Variants in TAFA1 observed in about 807,000 individuals in gnomAD.
TAFA1 encodes the protein TAFA chemokine like family member 1.
Under a neutral mutation model 18.5 loss-of-function variants are expected in TAFA1, and 4 were observed. The observed-to-expected ratio is 0.22, with a 90% CI of 0.11 to 0.49. The LOEUF is 0.49. TAFA1 is among the 20% of genes least tolerant of loss of function. The probability of loss-of-function intolerance (pLI) is 0.98; values close to 1 mark genes in which losing one functional copy is unlikely to be tolerated. For missense variants in TAFA1, 147 were observed against 169.0 expected (o/e 0.87, Z 0.72); for synonymous variants, 56 against 55.2 (o/e 1.01, Z -0.06).
chr3:68,431,550 A>T (rs773210506), intron 3 of TAFA1, among the ~76,000 whole-genome samples: 2 of 152,040 alleles, frequency 1.3e-5, no homozygotes, highest in Non-Finnish European at 2.9e-5. Flanking sequence ...GCCCAGGGTC[A>T]CATAGCTACC....
At chr3:68,083,252 C>A (rs1389526672) in intron 2 of TAFA1, among the ~76,000 whole-genome samples, 1 of 152,194 alleles carries the variant, frequency 6.6e-6, no homozygotes, top group African/African-American at 2.4e-5. Flanking sequence ...AGGCTATCAT[C>A]TGCACCAAAC....
intron 3 of TAFA1, among the ~76,000 whole-genome samples, chr3:68,459,770 A>T (rs1419810961): frequency 1.3e-5 from 2 of 152,196 alleles, no homozygotes; most frequent in Non-Finnish European, 2.9e-5. Context: ...CCAGTCAAAT[A>T]CTCATGAATA....
At chr3:68,491,147 A>G (rs1187249425) in intron 3 of TAFA1, among the ~76,000 whole-genome samples, 1 of 152,160 alleles carries the variant, frequency 6.6e-6, no homozygotes. Context: ...CCTCCTCCAC[A>G]ATTTTTAAGA....
intron 2 of TAFA1, among the ~76,000 whole-genome samples, chr3:68,246,109 C>T (rs972620104): frequency 3.3e-5 from 5 of 152,112 alleles, no homozygotes; most frequent in African/African-American, 9.7e-5. Context: ...TCCACATCTC[C>T]ATGTGGAGCT....
In TAFA1 at chr3:68,498,721, GCT is replaced by G. The variant is rs1491413557; in HGVS notation, c.260-40034_260-40033del. Among the ~76,000 whole-genome samples, 135 of 101,642 alleles carry G rather than the reference GCT, an allele frequency of 1.3e-3. 1 individual carries two copies. The highest frequency in any genetic ancestry group is 1.8e-3 in the Non-Finnish European group (99 of 55,902). The allele number at this position is 101,642 out of a possible 152,430, so 66.7% of individuals were successfully genotyped here. On this transcript the variant is annotated intron_variant, in intron 3 of 4. Coordinates refer to ENST00000478136, the MANE Select transcript of TAFA1 (RefSeq NM_213609.4). The stretch of plus-strand genomic sequence containing the variant: ...AAATTCCTCCCAAAGCCGTTTGGTG[GCT>G]TTTTTTTTTTTTTTTTTTTTTTTTT...
At chr3:68,463,019 C>A (rs567036911) in intron 3 of TAFA1, among the ~76,000 whole-genome samples, 7 of 152,290 alleles carry the variant, frequency 4.6e-5, no homozygotes, top group African/African-American at 1.7e-4. Context: ...GTAGATTGGG[C>A]AACTCATATA....
At chr3:68,309,053 T>C (rs1431135919) in intron 2 of TAFA1, among the ~76,000 whole-genome samples, 2 of 152,130 alleles carry the variant, frequency 1.3e-5, no homozygotes, top group South Asian at 2.1e-4. Context: ...TCATCACAGA[T>C]CTGCACATTG....
intron 3 of TAFA1, among the ~76,000 whole-genome samples, chr3:68,425,573 T>A (rs2071036455): frequency 6.6e-6 from 1 of 151,766 alleles, no homozygotes. Flanking sequence ...CATGTACAGG[T>A]GTGTGAGAGA....
Position 68,373,694 on chromosome 3 carries a change from G to C in TAFA1, c.119-43586G>C, listed in dbSNP as rs564962361. ...TGCTGATGTCAGAGCTACCATAAAA[G>C]ACAGAAGTCATTTCATTTTACATCA... On this transcript the variant is annotated intron_variant, in intron 2 of 4. Transcript: ENST00000478136. Among the ~76,000 whole-genome samples, 7 of 152,282 alleles carry C rather than the reference G, an allele frequency of 4.6e-5. No homozygotes were observed. The East Asian group carries it at 1.4e-3, about 29-fold the overall frequency.
intron 3 of TAFA1, among the ~76,000 whole-genome samples, chr3:68,478,986 A>C (rs2072162268): frequency 6.7e-6 from 1 of 150,320 alleles, no homozygotes; most frequent in Non-Finnish European, 1.5e-5. Flanking sequence ...TGTAATCAGC[A>C]CTTTAGGAGG....
chr3:68,175,683 G>A (rs2066115378), intron 2 of TAFA1, among the ~76,000 whole-genome samples: 1 of 152,194 alleles, frequency 6.6e-6, no homozygotes, highest in South Asian at 2.1e-4. Context: ...AGGCTCATAG[G>A]TGGAAGGGAA....
intron 2 of TAFA1, among the ~76,000 whole-genome samples, chr3:68,232,080 C>G (rs2066878773): frequency 6.6e-6 from 1 of 152,140 alleles, no homozygotes. Flanking sequence ...AACATTCAAA[C>G]TCTCTTCTAG....
At chr3:68,351,667 A>G (rs1267438694) in intron 2 of TAFA1, among the ~76,000 whole-genome samples, 5 of 151,986 alleles carry the variant, frequency 3.3e-5, no homozygotes, top group Admixed American at 1.3e-4. Flanking sequence ...TTGAGTCTCT[A>G]GGGGTAGCAA....
intron 2 of TAFA1, among the ~76,000 whole-genome samples, chr3:68,376,151 T>A (rs1046980628): frequency 6.6e-6 from 1 of 152,144 alleles, no homozygotes; most frequent in Non-Finnish European, 1.5e-5. Flanking sequence ...ATCAATTTTA[T>A]GATATTCTTG....
chr3:68,162,405 G>C (rs1434459694), intron 2 of TAFA1, among the ~76,000 whole-genome samples: 1 of 152,048 alleles, frequency 6.6e-6, no homozygotes, highest in Non-Finnish European at 1.5e-5. Flanking sequence ...TAGGGTTCAG[G>C]CTCCTATAAG....
intron 2 of TAFA1, among the ~76,000 whole-genome samples, chr3:68,208,097 A>AT (rs1462922043): frequency 6.6e-6 from 1 of 151,906 alleles, no homozygotes; most frequent in Non-Finnish European, 1.5e-5. Context: ...AGATGAGGTT[A>AT]TTTTTTAAAA....
At chr3:68,213,576 A>G (rs554241865) in intron 2 of TAFA1, among the ~76,000 whole-genome samples, 1 of 152,168 alleles carries the variant, frequency 6.6e-6, no homozygotes, top group African/African-American at 2.4e-5. Context: ...TAGGGCCTGG[A>G]GTATATGAAA....
chr3:68,230,998 C>T (rs2066864069), intron 2 of TAFA1, among the ~76,000 whole-genome samples: 2 of 152,144 alleles, frequency 1.3e-5, no homozygotes, highest in African/African-American at 4.8e-5. Flanking sequence ...TCATTATTTA[C>T]TGAGTGCCTT....
At chr3:68,261,960 T>C (rs1188863789) in intron 2 of TAFA1, among the ~76,000 whole-genome samples, 1 of 149,790 alleles carries the variant, frequency 6.7e-6, no homozygotes, top group Non-Finnish European at 1.5e-5. Flanking sequence ...CAGTATGAGA[T>C]AATTTGAAAT....
Sources: allele counts gnomAD v4.1 joint callset (sites outside exome capture counted in the v4.1 genomes callset), GRCh38; gene constraint gnomAD v4.1.1; transcripts MANE v1.5; gene names NCBI Gene and HGNC (gene_info 2026-07-23, HGNC 2026-07-21).